Variants in QTMAN observed in about 807,000 individuals in gnomAD.
QTMAN encodes tRNA-queuosine alpha-mannosyltransferase.
the QTMAN span, among the ~76,000 whole-genome samples, chr2:144,000,123 C>T: frequency 1.3e-5 from 2 of 151,990 alleles, no homozygotes; most frequent in African/African-American, 4.8e-5. Flanking sequence ...TTTCTTTGGC[C>T]ATGGATTTCT....
chr2:144,010,221 G>A, the QTMAN span, among the ~76,000 whole-genome samples: 4 of 152,018 alleles, frequency 2.6e-5, no homozygotes, highest in African/African-American at 7.2e-5. Context: ...ATTGGCTAAA[G>A]GGTTGTAAAC....
chr2:144,260,939 C>G, the QTMAN span, among the ~76,000 whole-genome samples: 1 of 151,796 alleles, frequency 6.6e-6, no homozygotes, highest in East Asian at 1.9e-4. Context: ...AAAGCAAAAT[C>G]TAAATAAATA....
At chr2:144,100,859 CTTTTTTTTTTTTT>C in the QTMAN span, among the ~76,000 whole-genome samples, 1 of 77,920 alleles carries the variant, frequency 1.3e-5, no homozygotes, top group Non-Finnish European at 2.4e-5. Flanking sequence ...GTCTTTCTTT[CTTTTTTTTTTTTT>C]TTTTTTTTTT....
the QTMAN span, among the ~76,000 whole-genome samples, chr2:144,056,040 T>C: frequency 6.6e-6 from 1 of 151,892 alleles, no homozygotes; most frequent in Non-Finnish European, 1.5e-5. Flanking sequence ...TTGAAGATTA[T>C]ATTAGCTAAT....
chr2:144,297,319 G>A, the QTMAN span, among the ~76,000 whole-genome samples: 8 of 152,012 alleles, frequency 5.3e-5, no homozygotes, highest in Non-Finnish European at 1.0e-4. Flanking sequence ...CTTGACCACG[G>A]AGAAACAATG....
the QTMAN span, among the ~76,000 whole-genome samples, chr2:144,113,751 G>A: frequency 6.6e-6 from 1 of 152,220 alleles, no homozygotes; most frequent in Non-Finnish European, 1.5e-5. Flanking sequence ...AGTTTGAACA[G>A]TGGATTTCTC....
At chr2:144,214,276 T>C in the QTMAN span, among the ~76,000 whole-genome samples, 13 of 152,196 alleles carry the variant, frequency 8.5e-5, no homozygotes, top group East Asian at 1.9e-4. Context: ...TAAATTCTTC[T>C]ATAAAAATCA....
the QTMAN span, among the ~76,000 whole-genome samples, chr2:144,075,758 C>T: frequency 6.6e-6 from 1 of 152,192 alleles, no homozygotes; most frequent in Non-Finnish European, 1.5e-5. Flanking sequence ...AGATTTCCAA[C>T]CTCAGACAGT....
the QTMAN span, among the ~76,000 whole-genome samples, chr2:144,193,448 A>C: frequency 2.7e-5 from 4 of 148,450 alleles, no homozygotes; most frequent in African/African-American, 7.3e-5. Flanking sequence ...TTATGTATAT[A>C]TAATGCATAT....
the QTMAN span, among the ~76,000 whole-genome samples, chr2:143,950,755 G>A: frequency 6.6e-6 from 1 of 151,294 alleles, no homozygotes; most frequent in Admixed American, 6.6e-5. Flanking sequence ...AACTACTACT[G>A]AACTTTAAAA....
the QTMAN span, among the ~76,000 whole-genome samples, chr2:144,196,547 G>C: frequency 6.6e-6 from 1 of 152,080 alleles, no homozygotes; most frequent in African/African-American, 2.4e-5. Context: ...AAACATATTA[G>C]TAAATGACCC....
chr2:144,310,699 A>C, the QTMAN span, among the ~76,000 whole-genome samples: 16 of 152,354 alleles, frequency 1.1e-4, no homozygotes, highest in Non-Finnish European at 1.8e-4. Flanking sequence ...TGTGAATGTG[A>C]AAGAAAAAGA....
the QTMAN span, among the ~76,000 whole-genome samples, chr2:144,032,302 G>A: frequency 2.0e-5 from 3 of 152,144 alleles, no homozygotes; most frequent in Non-Finnish European, 2.9e-5. Context: ...AGGAATTACC[G>A]TTAGCATTAA....
the QTMAN span, among the ~76,000 whole-genome samples, chr2:144,188,899 T>C: frequency 1.3e-5 from 2 of 152,204 alleles, no homozygotes; most frequent in East Asian, 1.9e-4. Context: ...TAAGCTTCTA[T>C]GTGGACAAAA....
the QTMAN span, among the ~76,000 whole-genome samples, chr2:144,111,348 T>C: frequency 6.6e-6 from 1 of 152,222 alleles, no homozygotes; most frequent in East Asian, 1.9e-4. Context: ...TCTGGGGCCA[T>C]TCCACCCAAC....
At chr2:144,261,385 A>AT in the QTMAN span, among the ~76,000 whole-genome samples, 50 of 150,804 alleles carry the variant, frequency 3.3e-4, 1 homozygote, top group South Asian at 6.3e-4. Flanking sequence ...ACCTAAAAAG[A>AT]TTTTTTTTTT....
chr2:144,251,286 T>C, the QTMAN span, among the ~76,000 whole-genome samples: 1 of 152,154 alleles, frequency 6.6e-6, no homozygotes, highest in East Asian at 1.9e-4. Context: ...TTTTAAAAAT[T>C]AATTACACAG....
At chr2:144,054,042 G>T in the QTMAN span, among the ~76,000 whole-genome samples, 3 of 152,062 alleles carry the variant, frequency 2.0e-5, no homozygotes, top group Non-Finnish European at 2.9e-5. Context: ...CAAAAAATTA[G>T]CCGGGCGGGG....
At chr2:144,019,766 C>T in the QTMAN span, among the ~76,000 whole-genome samples, 1 of 152,146 alleles carries the variant, frequency 6.6e-6, no homozygotes, top group African/African-American at 2.4e-5. Context: ...TGAAAGTACA[C>T]CCATTCATTG....
Sources: allele counts gnomAD v4.1 joint callset (sites outside exome capture counted in the v4.1 genomes callset), GRCh38; gene constraint gnomAD v4.1.1; transcripts MANE v1.5; gene names NCBI Gene and HGNC (gene_info 2026-07-23, HGNC 2026-07-21).